Variants in SYN2 observed in about 807,000 individuals in gnomAD.
SYN2 encodes the protein synapsin-2.
SYN2 carries 19 observed loss-of-function variants against 50.9 expected under a neutral mutation model. The ratio of observed to expected loss-of-function variants is 0.37; its 90% CI spans 0.26 to 0.55. The LOEUF (loss-of-function observed/expected upper bound fraction) is 0.55. Ranked by LOEUF, SYN2 falls within the 20% of genes least tolerant of loss-of-function variation. The probability of loss-of-function intolerance (pLI) is 0.81; values close to 1 mark genes in which losing one functional copy is unlikely to be tolerated. For missense variants in SYN2, 587 were observed against 576.4 expected, an observed-to-expected ratio of 1.02 and a Z score of -0.19; for synonymous variants, 255 against 224.9, an observed-to-expected ratio of 1.13 and a Z score of -1.20.
chr3:12,128,816 G>A (rs1166008878), intron 1 of SYN2, among the ~76,000 whole-genome samples: 1 of 151,984 alleles, frequency 6.6e-6, no homozygotes, highest in Non-Finnish European at 1.5e-5. Context: ...ATAAAAAGAG[G>A]AGGAAAAAAA....
intron 1 of SYN2, among the ~76,000 whole-genome samples, chr3:12,072,025 A>G (rs1222932268): frequency 6.6e-6 from 1 of 152,180 alleles, no homozygotes; most frequent in African/African-American, 2.4e-5. Flanking sequence ...TTCTACTGTT[A>G]TGTGAGAACA....
chr3:12,184,225 T>A (rs1698290853), intron 11 of SYN2: 1 of 985,792 alleles, frequency 1.0e-6, no homozygotes, highest in African/African-American at 1.7e-5. Flanking sequence ...TTTTAAAAAA[T>A]GGGGCCGCTG....
intron 5 of SYN2, among the ~76,000 whole-genome samples, chr3:12,152,281 G>A (rs917477562): frequency 1.3e-5 from 2 of 152,186 alleles, no homozygotes; most frequent in African/African-American, 4.8e-5. Context: ...CTTTGCCAGA[G>A]CTTCCCCAGG....
intron 1 of SYN2, among the ~76,000 whole-genome samples, chr3:12,014,102 A>G (rs1693971863): frequency 6.6e-6 from 1 of 152,098 alleles, no homozygotes; most frequent in African/African-American, 2.4e-5. Flanking sequence ...AAGTATCTTT[A>G]TCTCTGGACA....
At chr3:12,138,033 G>A (rs1032705158) in intron 1 of SYN2, among the ~76,000 whole-genome samples, 27 of 152,138 alleles carry the variant, frequency 1.8e-4, no homozygotes, top group African/African-American at 6.5e-4. Flanking sequence ...CCCATCCTCT[G>A]GATTCTAGCA....
At chr3:12,021,772 A>G (rs749536728) in intron 1 of SYN2, among the ~76,000 whole-genome samples, 12 of 151,994 alleles carry the variant, frequency 7.9e-5, no homozygotes, top group Non-Finnish European at 1.5e-4. Flanking sequence ...GAAGATAAGA[A>G]TCAGATTCTT....
At chr3:12,018,682 A>G (rs543081358) in intron 1 of SYN2, among the ~76,000 whole-genome samples, 5 of 152,318 alleles carry the variant, frequency 3.3e-5, no homozygotes, top group South Asian at 2.1e-4. Flanking sequence ...ACAATTTGCT[A>G]TTCTTCTCTG....
At chr3:12,044,207 A>ACCCACC (rs559345771) in intron 1 of SYN2, among the ~76,000 whole-genome samples, 51 of 144,922 alleles carry the variant, frequency 3.5e-4, no homozygotes, top group Middle Eastern at 3.7e-3. Context: ...ACACACACAC[A>ACCCACC]CACACACACA....
chr3:12,088,276 A>G (rs955772973), intron 1 of SYN2, among the ~76,000 whole-genome samples: 1 of 152,242 alleles, frequency 6.6e-6, no homozygotes, highest in Non-Finnish European at 1.5e-5. Context: ...TTTAGAAAGA[A>G]TGCATATGAA....
chr3:12,143,600 T>C (rs1697078915), intron 3 of SYN2, among the ~76,000 whole-genome samples: 1 of 152,174 alleles, frequency 6.6e-6, no homozygotes, highest in African/African-American at 2.4e-5. Context: ...CCATCTTTGT[T>C]GCTGCAAAAG....
intron 10 of SYN2, among the ~76,000 whole-genome samples, chr3:12,174,699 C>G (rs1001750285): frequency 6.6e-6 from 1 of 152,184 alleles, no homozygotes; most frequent in South Asian, 2.1e-4. Flanking sequence ...CCAAGATGGT[C>G]TCGATCTCCT....
At chr3:12,030,273 G>A (rs1694354435) in intron 1 of SYN2, among the ~76,000 whole-genome samples, 1 of 126,470 alleles carries the variant, frequency 7.9e-6, no homozygotes, top group African/African-American at 2.8e-5. Context: ...TGCTGGATTC[G>A]GTTTCCCAGT....
intron 1 of SYN2, among the ~76,000 whole-genome samples, chr3:12,122,471 A>G (rs947656394): frequency 1.7e-4 from 26 of 152,156 alleles, no homozygotes; most frequent in African/African-American, 6.0e-4. Context: ...TGTAATACCA[A>G]CACAGCAAAA....
intron 10 of SYN2, among the ~76,000 whole-genome samples, chr3:12,171,044 A>G: frequency 6.6e-6 from 1 of 152,234 alleles, no homozygotes; most frequent in Non-Finnish European, 1.5e-5. Flanking sequence ...TGATCCTGAT[A>G]AATGGGAACT....
At chr3:12,033,624 A>G (rs1694430474) in intron 1 of SYN2, among the ~76,000 whole-genome samples, 1 of 152,198 alleles carries the variant, frequency 6.6e-6, no homozygotes, top group Non-Finnish European at 1.5e-5. Context: ...ATTTCAGAAC[A>G]TCTTAATCAC....
intron 12 of SYN2, among the ~76,000 whole-genome samples, chr3:12,189,912 C>G (rs983311405): frequency 1.3e-5 from 2 of 152,130 alleles, no homozygotes; most frequent in Admixed American, 6.5e-5. Context: ...ATAGAAAGAG[C>G]CAAAAGTGCC....
chr3:12,047,995 C>A (rs562121432), intron 1 of SYN2, among the ~76,000 whole-genome samples: 1 of 152,194 alleles, frequency 6.6e-6, no homozygotes, highest in African/African-American at 2.4e-5. Context: ...CTACAAGTTA[C>A]GTACGTTGTG....
At chr3:12,023,303 T>C (rs559457571) in intron 1 of SYN2, among the ~76,000 whole-genome samples, 1 of 152,332 alleles carries the variant, frequency 6.6e-6, no homozygotes, top group Admixed American at 6.5e-5. Flanking sequence ...TTATTCTTCA[T>C]ATTTTTAGCT....
chr3:12,045,779 G>A lies in SYN2; in HGVS notation c.377+40851G>A, dbSNP rs1694725446. ...GTACTGCAACATTGAGTAGTGGGGG[G>A]CTCAGGAATACCTCCCAGAAGCACA... On this transcript the variant is annotated intron_variant, in intron 1 of 12. Transcript: ENST00000621198. 2.0e-5 allele frequency among the ~76,000 whole-genome samples: 3 copies of A among 152,216 alleles called. 1 individual carries two copies. The South Asian group carries it at 6.2e-4, about 32-fold the overall frequency.
Sources: gnomAD v4.1 joint callset for allele counts (sites outside exome capture counted in the v4.1 genomes callset) on GRCh38, gnomAD v4.1.1 for gene constraint, MANE v1.5 for transcripts, NCBI Gene and HGNC (gene_info 2026-07-23, HGNC 2026-07-21) for gene names.